ARHGAP15: variants seen among roughly 807,000 people sequenced by gnomAD.
ARHGAP15 encodes the protein rho GTPase-activating protein 15.
A neutral mutation model predicts 63.7 loss-of-function variants in ARHGAP15; 51 were observed. That is an observed-to-expected ratio of 0.80 (90% CI 0.64 to 1.01). The LOEUF (loss-of-function observed/expected upper bound fraction) is 1.01. Ranked by LOEUF, ARHGAP15 falls within the 50% of genes least tolerant of loss-of-function variation. The pLI, the probability that ARHGAP15 is intolerant of heterozygous loss-of-function variation, is 0.00. For synonymous variants in ARHGAP15, 191 were observed against 193.8 expected, an observed-to-expected ratio of 0.99 and a Z score of 0.12; for missense variants, 560 against 564.6, an observed-to-expected ratio of 0.99 and a Z score of 0.08.
At chr2:143,210,134 A>C (rs1478783880) in intron 3 of ARHGAP15, among the ~76,000 whole-genome samples, 1 of 151,400 alleles carries the variant, frequency 6.6e-6, no homozygotes, top group Non-Finnish European at 1.5e-5. Flanking sequence ...AAGAACGAGG[A>C]ACATATTTAC....
rs540083630 is a variant in ARHGAP15, at chr2:143,742,353, C to T, written c.1245-25636C>T. ...TGGAAACACAGGATATCCGTGCTTC[C>T]AGATCAGACATAGGTCATTTTTGTG... On this transcript the variant is annotated intron_variant, in intron 13 of 13. Coordinates refer to ENST00000295095, the MANE Select transcript of ARHGAP15 (RefSeq NM_018460.4). 4.6e-5 allele frequency among the ~76,000 whole-genome samples: 7 copies of T among 152,304 alleles called. No individual in the cohort carries two copies. The South Asian group carries it at 1.5e-3, about 32-fold the overall frequency.
intron 10 of ARHGAP15, among the ~76,000 whole-genome samples, chr2:143,525,717 G>A (rs1006681839): frequency 6.6e-6 from 1 of 152,076 alleles, no homozygotes; most frequent in Non-Finnish European, 1.5e-5. Flanking sequence ...GCTCTTTGGG[G>A]TAGTCACGCT....
chr2:143,702,756 G>A (rs1684147301), intron 12 of ARHGAP15, among the ~76,000 whole-genome samples: 1 of 152,048 alleles, frequency 6.6e-6, no homozygotes, highest in Admixed American at 6.6e-5. Context: ...TCCTTAGAAA[G>A]CAGCCCCTCA....
chr2:143,321,932 C>G (rs987869570), intron 6 of ARHGAP15, among the ~76,000 whole-genome samples: 1 of 152,168 alleles, frequency 6.6e-6, no homozygotes, highest in Non-Finnish European at 1.5e-5. Flanking sequence ...CCTGCCTTGG[C>G]CACAATTATC....
chr2:143,458,807 AT>A (rs1039968464), intron 8 of ARHGAP15, among the ~76,000 whole-genome samples: 21 of 152,282 alleles, frequency 1.4e-4, no homozygotes, highest in East Asian at 3.9e-4. Flanking sequence ...AAATAGAGCA[AT>A]TTTTTTGGAA....
intron 11 of ARHGAP15, among the ~76,000 whole-genome samples, chr2:143,598,879 T>G (rs993652205): frequency 2.6e-5 from 4 of 151,872 alleles, no homozygotes. Flanking sequence ...ATCGCACCAC[T>G]GCACTCCATC....
chr2:143,248,897 C>G (rs994626911), intron 5 of ARHGAP15, among the ~76,000 whole-genome samples: 1 of 152,144 alleles, frequency 6.6e-6, no homozygotes, highest in African/African-American at 2.4e-5. Context: ...ACCTTTTTAA[C>G]CCCCTGACTT....
intron 6 of ARHGAP15, among the ~76,000 whole-genome samples, chr2:143,418,183 G>A (rs1448654943): frequency 6.6e-6 from 1 of 152,328 alleles, no homozygotes; most frequent in East Asian, 1.9e-4. Context: ...ACAGGAAGAG[G>A]ATAAAGGGAT....
At chr2:143,373,626 T>A (rs1686662454) in intron 6 of ARHGAP15, among the ~76,000 whole-genome samples, 5 of 65,076 alleles carry the variant, frequency 7.7e-5, no homozygotes, top group East Asian at 7.0e-4. Context: ...CCAGACTCTA[T>A]CTCAAAAAAA....
chr2:143,376,992 C>T (rs998030769), intron 6 of ARHGAP15, among the ~76,000 whole-genome samples: 2 of 152,056 alleles, frequency 1.3e-5, no homozygotes, highest in African/African-American at 4.8e-5. Context: ...TAAACAAGAA[C>T]TTCAATTCAT....
Position 143,353,667 on chromosome 2 carries a change from C to T in ARHGAP15, c.475-81934C>T, listed in dbSNP as rs530100152. Among the ~76,000 whole-genome samples the T allele has an allele frequency of 4.1e-4, 62 of 152,282 alleles. 1 individual carries two copies. In the South Asian group the frequency reaches 0.012, roughly 31 times the overall value. On this transcript the variant is annotated intron_variant, in intron 6 of 13. Transcript: ENST00000295095. ...AAACCGACAAATGAAAGCTTCTTCT[C>T]ATTCCAGGGTTCTAAAATTGTGAGA...
At chr2:143,158,782 A>G (rs532306202) in intron 2 of ARHGAP15, among the ~76,000 whole-genome samples, 1 of 152,060 alleles carries the variant, frequency 6.6e-6, no homozygotes, top group South Asian at 2.1e-4. Context: ...AGAATGTGCT[A>G]AACAGAAAAT....
intron 11 of ARHGAP15, among the ~76,000 whole-genome samples, chr2:143,574,057 A>G (rs926092118): frequency 3.3e-5 from 5 of 152,194 alleles, no homozygotes; most frequent in South Asian, 2.1e-4. Flanking sequence ...ACTGTAGCCA[A>G]ACGAAATCAC....
At chr2:143,341,124 GC>G (rs1685040371) in intron 6 of ARHGAP15, among the ~76,000 whole-genome samples, 1 of 152,000 alleles carries the variant, frequency 6.6e-6, no homozygotes, top group South Asian at 2.1e-4. Context: ...AGCGGGTCCT[GC>G]TTTTGTGGTC....
chr2:143,431,893 C>A (rs1020426534), intron 6 of ARHGAP15, among the ~76,000 whole-genome samples: 10 of 151,968 alleles, frequency 6.6e-5, no homozygotes, highest in Non-Finnish European at 1.5e-5. Context: ...GGGTGGGGCT[C>A]TCAAACAGGG....
In ARHGAP15 at chr2:143,314,089, C is replaced by T. The variant is rs151076575; in HGVS notation, c.474+63489C>T. On this transcript the variant is annotated intron_variant, in intron 6 of 13. Transcript: ENST00000295095. ...TCTCAAACCATGCTTTATGACATTGCTATTTGCAGAAATTTAACTGGCAGC... is the reference window on the plus strand; with the variant it reads ...TCTCAAACCATGCTTTATGACATTGTTATTTGCAGAAATTTAACTGGCAGC... 7.2e-5 allele frequency among the ~76,000 whole-genome samples: 11 copies of T among 151,880 alleles called. No individual in the cohort carries two copies. In the East Asian group the frequency reaches 1.9e-3, roughly 27 times the overall value.
intron 8 of ARHGAP15, among the ~76,000 whole-genome samples, chr2:143,483,440 A>G (rs13013016): frequency 0.048 from 7,386 of 152,346 alleles, 241 homozygotes; most frequent in Middle Eastern, 0.082. Context: ...GGGAAATGGC[A>G]AGGTTTTTGA....
At chr2:143,446,006 G>A (rs988218057) in intron 8 of ARHGAP15, among the ~76,000 whole-genome samples, 1 of 151,826 alleles carries the variant, frequency 6.6e-6, no homozygotes, top group Non-Finnish European at 1.5e-5. Flanking sequence ...TGTTCAAAAG[G>A]TTGTATGAGA....
At chr2:143,587,816 T>A (rs1390044816) in intron 11 of ARHGAP15, 4 of 462,030 alleles carry the variant, frequency 8.7e-6, no homozygotes, top group Non-Finnish European at 1.8e-5. Context: ...TTCATTAAAC[T>A]GGTATTTATA....
Sources: gnomAD v4.1 joint callset for allele counts (sites outside exome capture counted in the v4.1 genomes callset) on GRCh38, gnomAD v4.1.1 for gene constraint, MANE v1.5 for transcripts, NCBI Gene and HGNC (gene_info 2026-07-23, HGNC 2026-07-21) for gene names.